LEMD3: variants seen among roughly 807,000 people sequenced by gnomAD.
LEMD3 encodes LEM domain containing 3.
A neutral mutation model predicts 95.2 loss-of-function variants in LEMD3; 33 were observed. That is an observed-to-expected ratio of 0.35 (90% CI 0.26 to 0.46). LEMD3 has a LOEUF of 0.46. LEMD3 is among the 20% of genes least tolerant of loss of function. The probability of loss-of-function intolerance (pLI) is 1.00; values close to 1 mark genes in which losing one functional copy is unlikely to be tolerated. For missense variants in LEMD3, 1,210 were observed against 1,192.8 expected, an observed-to-expected ratio of 1.01 and a Z score of -0.21; for synonymous variants, 525 against 474.6, an observed-to-expected ratio of 1.11 and a Z score of -1.38.
intron 1 of LEMD3, among the ~76,000 whole-genome samples, chr12:65,172,497 C>G (rs1868582837): frequency 6.6e-6 from 1 of 152,112 alleles, no homozygotes; most frequent in Non-Finnish European, 1.5e-5. Context: ...GATTTTTACT[C>G]TGTTGCTTAA....
Position 65,240,152 on chromosome 12 carries a change from T to C in LEMD3, c.2040T>C (p.His680=), listed in dbSNP as rs541359325. The C allele has an allele frequency of 6.8e-6, 11 of 1,613,360 alleles. No homozygotes were observed. The South Asian group carries it at 9.9e-5, about 14-fold the overall frequency. Residue 680 remains histidine (H), a synonymous_variant, in exon 8 of 13, where the codon CAT becomes CAC. Transcript: ENST00000308330. ...TATTTTTAGATGTTTTACGAAGTCATAATGAAGCCTGCCAGGAAAACAAAG... is the reference window on the plus strand; with the variant it reads ...TATTTTTAGATGTTTTACGAAGTCACAATGAAGCCTGCCAGGAAAACAAAG... ...VVKIIDVLRS[H]NEACQENKDL... is the part of the protein sequence containing the mutation.
intron 1 of LEMD3, among the ~76,000 whole-genome samples, chr12:65,178,694 A>T (rs753455928): frequency 6.6e-6 from 1 of 152,198 alleles, no homozygotes; most frequent in Non-Finnish European, 1.5e-5. Context: ...TACTTATCCC[A>T]TTTTATAAGT....
rs144086377 is a variant in LEMD3, at chr12:65,170,458, C to G, written c.862C>G (p.Arg288Gly). The change falls in exon 1 of 13, where the codon CGA (arginine) becomes GGA (glycine). Residue 288 changes from arginine to glycine, a missense_variant. By Grantham distance (125) the Arg-to-Gly change is moderately radical. Coordinates refer to ENST00000308330, the MANE Select transcript of LEMD3 (RefSeq NM_014319.5). ...DDSLSRHRPRRTHSKPLPPLT... is the reference protein window; with the variant it reads ...DDSLSRHRPRGTHSKPLPPLT... ...CTCCCTTTCCCGGCATCGGCCCAGACGAACCCATAGTAAGCCTCTCCCCCC... is the reference window on the plus strand; with the variant it reads ...CTCCCTTTCCCGGCATCGGCCCAGAGGAACCCATAGTAAGCCTCTCCCCCC... 431 of 1,613,690 alleles carry G rather than the reference C, an allele frequency of 2.7e-4. No individual in the cohort carries two copies. In the African/African-American group the frequency reaches 5.4e-3, roughly 20 times the overall value.
chr12:65,200,810 T>C (rs1409965383), intron 1 of LEMD3, among the ~76,000 whole-genome samples: 1 of 152,192 alleles, frequency 6.6e-6, no homozygotes, highest in Admixed American at 6.5e-5. Flanking sequence ...AATTTTTTAA[T>C]GTGAATGTCA....
intron 9 of LEMD3, 54 bp from the exon 10 acceptor site, chr12:65,243,334 C>A: frequency 3.8e-6 from 4 of 1,058,040 alleles, no homozygotes; most frequent in Admixed American, 1.7e-5. Context: ...TGATTGAATA[C>A]CTTTCAACAA....
rs895338608 is a variant in LEMD3 at position 65,247,314 on chromosome 12, C to T, written c.*989C>T. ...TAAATACTAGGGCCATGACATAGTACCATTGGGGTTAAGTCATTTTCCCAA... is the reference window on the plus strand; with the variant it reads ...TAAATACTAGGGCCATGACATAGTATCATTGGGGTTAAGTCATTTTCCCAA... On this transcript the variant is annotated 3_prime_UTR_variant, in exon 13 of 13. Transcript: ENST00000308330. 2 of 152,468 alleles carry T rather than the reference C, an allele frequency of 1.3e-5. No homozygotes were observed. Among genetic ancestry groups the T allele is most frequent in the African/African-American group, 4.8e-5 (2 of 41,404 alleles). The allele number at this position is 152,468 out of a possible 1,614,324, so 9.4% of individuals were successfully genotyped here.
chr12:65,239,969 T>C lies in LEMD3; in HGVS notation c.1962T>C (p.Tyr654=). The C allele has an allele frequency of 1.2e-6, 2 of 1,612,482 alleles. No individual in the cohort carries two copies. Among genetic ancestry groups the C allele is most frequent in the Non-Finnish European group, 8.5e-7 (1 of 1,178,640 alleles). The change falls in exon 7 of 13, where the codon TAT becomes TAC. Residue 654 remains tyrosine, a synonymous_variant. Transcript: ENST00000308330. ...GTGTCGTTCTGCGTTACATGAAATA[T>C]CGATGGACAAAAGAAGAGGAGGAAA... The part of the protein sequence containing the change: ...MVCVVLRYMK[Y]RWTKEEEETR...
chr12:65,212,783 G>C (rs917236410), intron 2 of LEMD3, among the ~76,000 whole-genome samples: 5 of 152,092 alleles, frequency 3.3e-5, no homozygotes, highest in Non-Finnish European at 7.4e-5. Flanking sequence ...TTTACTTGTG[G>C]AACTTTAACT....
chr12:65,206,916 T>A (rs1193669868), intron 1 of LEMD3, among the ~76,000 whole-genome samples: 1 of 152,174 alleles, frequency 6.6e-6, no homozygotes, highest in Non-Finnish European at 1.5e-5. Flanking sequence ...TTTTATTTTC[T>A]GTAGTTATTT....
chr12:65,170,656 G>T lies in LEMD3; in HGVS notation c.1060G>T (p.Val354Phe), dbSNP rs758022128. The change falls in exon 1 of 13, where the codon GTT (valine) becomes TTT (phenylalanine). Residue 354 changes from valine to phenylalanine, a missense_variant. Around this residue, in one of 2 missense-constraint regions of LEMD3, gnomAD observed 749 missense variants for 622.9 expected, o/e 1.20. Coordinates refer to ENST00000308330, the MANE Select transcript of LEMD3 (RefSeq NM_014319.5). ...GGCDQVDSSP[V>F]PRYRVNAKKL... is the part of the protein sequence containing the mutation. ...GTGTGATCAAGTGGACTCCAGCCCC[G>T]TTCCTAGATACCGTGTTAACGCTAA... 5 of 1,614,018 alleles carry T rather than the reference G, an allele frequency of 3.1e-6. No homozygotes were observed. The highest frequency in any genetic ancestry group is 1.3e-5 in the African/African-American group (1 of 74,908).
Position 65,170,744 on chromosome 12 carries a change from C to T in LEMD3, c.1148C>T (p.Thr383Ile). 6.2e-7 allele frequency: 1 copy of T among 1,614,240 alleles called. No individual in the cohort carries two copies. Among genetic ancestry groups the T allele is most frequent in the Non-Finnish European group, 8.5e-7 (1 of 1,180,044 alleles). Residue 383 changes from threonine (T) to isoleucine (I), a missense_variant, in exon 1 of 13, where the codon ACA becomes ATA. This residue lies in a region of LEMD3 where 749 missense variants were observed against 622.9 expected (regional missense o/e 1.20). Transcript: ENST00000308330. Reference sequence around the variant, plus strand: ...ATGGACTCAACCTTGGATTCGTCAACAGGCTCCCTTCTGAAAACCAATAAT... The same window carrying T: ...ATGGACTCAACCTTGGATTCGTCAATAGGCTCCCTTCTGAAAACCAATAAT... The part of the protein sequence containing the change: ...TDMDSTLDSS[T>I]GSLLKTNNHI...
chr12:65,230,894 A>G (rs954944283), intron 4 of LEMD3, among the ~76,000 whole-genome samples: 6 of 152,162 alleles, frequency 3.9e-5, no homozygotes, highest in Non-Finnish European at 7.3e-5. Context: ...TGGGTTTGCC[A>G]TATATGGCCT....
chr12:65,171,826 A>G (rs961022276), intron 1 of LEMD3: 10 of 151,846 alleles, frequency 6.6e-5, no homozygotes, highest in African/African-American at 2.4e-4. Context: ...GTCATAATCA[A>G]AGTATCTCTG....
intron 1 of LEMD3, among the ~76,000 whole-genome samples, chr12:65,177,362 T>C (rs1287019531): frequency 1.3e-5 from 2 of 152,124 alleles, no homozygotes; most frequent in Non-Finnish European, 2.9e-5. Context: ...CATATGGTTT[T>C]GAGTATAGAG....
intron 4 of LEMD3, among the ~76,000 whole-genome samples, chr12:65,228,192 A>G (rs1399498575): frequency 6.6e-6 from 1 of 152,128 alleles, no homozygotes; most frequent in Non-Finnish European, 1.5e-5. Context: ...GAAGGGACAC[A>G]GATGCGGGGT....
At chr12:65,228,818 A>G (rs561009844) in intron 4 of LEMD3, among the ~76,000 whole-genome samples, 1 of 152,360 alleles carries the variant, frequency 6.6e-6, no homozygotes, top group East Asian at 1.9e-4. Context: ...TCAAACATTT[A>G]TCATTTCTTT....
At chr12:65,195,415 A>G (rs1869399790) in intron 1 of LEMD3, among the ~76,000 whole-genome samples, 2 of 152,070 alleles carry the variant, frequency 1.3e-5, no homozygotes, top group Non-Finnish European at 2.9e-5. Context: ...AAAAATAGCT[A>G]GATTCAAGTT....
rs1238237667 is a variant in LEMD3, at chr12:65,246,916, G to A, written c.*591G>A. ...GGCTTTGTATATATGTATAAATGCT[G>A]GTGGTGGTGAAAGTAGTCTTGTTTT... On this transcript the variant is annotated 3_prime_UTR_variant, in exon 13 of 13. Transcript: ENST00000308330. 1.3e-5 allele frequency: 2 copies of A among 154,062 alleles called. No homozygotes were observed. Among genetic ancestry groups the A allele is most frequent in the Non-Finnish European group, 2.9e-5 (2 of 69,046 alleles). The allele number at this position is 154,062 out of a possible 1,614,324, so 9.5% of individuals were successfully genotyped here. A position where few individuals can be genotyped will look rare whatever the true frequency, so the allele number is the denominator to read the frequency against.
intron 12 of LEMD3, 102 bp from the exon 13 acceptor site, chr12:65,246,060 C>G (rs1297881808): frequency 8.0e-7 from 1 of 1,254,414 alleles, no homozygotes; most frequent in Non-Finnish European, 1.1e-6. Context: ...TTTTAGATGA[C>G]TTTATTTATG....
Sources: gnomAD v4.1 joint callset for allele counts (sites outside exome capture counted in the v4.1 genomes callset) on GRCh38, gnomAD v4.1.1 for gene constraint, gnomAD v4.1.1 regional missense constraint, MANE v1.5 for transcripts, NCBI Gene and HGNC (gene_info 2026-07-23, HGNC 2026-07-21) for gene names.